The following ASAP1 variants were observed in gnomAD, a reference collection of about 807,000 sequenced individuals.
The protein encoded by ASAP1 is ArfGAP with SH3 domain, ankyrin repeat and PH domain 1.
In ASAP1, 43 loss-of-function variants were observed where a neutral mutation model predicts 145.2. That is an observed-to-expected ratio of 0.30 (90% CI 0.23 to 0.38). The LOEUF (loss-of-function observed/expected upper bound fraction) is 0.38, where lower values mean the gene tolerates loss of function less well. Ranked by LOEUF, ASAP1 falls within the 10% of genes least tolerant of loss-of-function variation. The pLI, the probability that ASAP1 is intolerant of heterozygous loss-of-function variation, is 1.00. For synonymous variants in ASAP1, 546 were observed against 515.5 expected (o/e 1.06, Z -0.80); for missense variants, 1,018 against 1,355.3 (o/e 0.75, Z 3.91).
In ASAP1 at chr8:130,076,421, A is replaced by C; in HGVS notation, c.2643-15T>G. 1 of 1,593,220 alleles carries C rather than the reference A, an allele frequency of 6.3e-7. No homozygotes were observed. The highest frequency in any genetic ancestry group is 8.6e-7 in the Non-Finnish European group (1 of 1,166,174). On this transcript the variant is annotated splice_polypyrimidine_tract_variant and intron_variant, in intron 26 of 29. Coordinates refer to ENST00000518721, the MANE Select transcript of ASAP1 (RefSeq NM_018482.4). ...CAGAACTGGTGCTAATCAACAAATA[A>C]GAATCATTTAGGATCTAAAAGTGCT...
chr8:130,341,046 G>A, intron 3 of ASAP1: 1 of 388,404 alleles, frequency 2.6e-6, no homozygotes, highest in Non-Finnish European at 5.1e-6. Flanking sequence ...CATTAAATGT[G>A]ATACAGTAAC....
chr8:130,406,794 T>A (rs1035573837), intron 1 of ASAP1, among the ~76,000 whole-genome samples: 4 of 152,168 alleles, frequency 2.6e-5, no homozygotes, highest in African/African-American at 9.7e-5. Context: ...AGTTCTCTCA[T>A]CTTTAAAATT....
chr8:130,221,365 T>C (rs1817285334), intron 4 of ASAP1, among the ~76,000 whole-genome samples: 1 of 152,162 alleles, frequency 6.6e-6, no homozygotes, highest in Non-Finnish European at 1.5e-5. Flanking sequence ...TGTGAAAGTG[T>C]TTCCCCTACC....
intron 14 of ASAP1, among the ~76,000 whole-genome samples, chr8:130,136,335 C>T (rs1454124503): frequency 6.6e-6 from 1 of 152,176 alleles, no homozygotes; most frequent in African/African-American, 2.4e-5. Context: ...GAAAAGCAAA[C>T]TCTGAACCAT....
At chr8:130,222,660 G>A (rs1008979736) in intron 4 of ASAP1, among the ~76,000 whole-genome samples, 2 of 152,200 alleles carry the variant, frequency 1.3e-5, no homozygotes, top group African/African-American at 2.4e-5. Flanking sequence ...AAGACTTCCT[G>A]TCCTGTAATA....
At chr8:130,175,310 T>G (rs1338247708) in intron 9 of ASAP1, among the ~76,000 whole-genome samples, 1 of 152,200 alleles carries the variant, frequency 6.6e-6, no homozygotes, top group Non-Finnish European at 1.5e-5. Flanking sequence ...AGCCTTGATC[T>G]CCCAGGCTCA....
At chr8:130,191,250 T>TA (rs1354617368) in intron 5 of ASAP1, among the ~76,000 whole-genome samples, 1 of 152,158 alleles carries the variant, frequency 6.6e-6, no homozygotes, top group African/African-American at 2.4e-5. Flanking sequence ...GAAGAGTTTT[T>TA]ACCTACTTGT....
intron 24 of ASAP1, among the ~76,000 whole-genome samples, chr8:130,093,160 T>C (rs1376679366): frequency 2.6e-5 from 4 of 152,140 alleles, no homozygotes; most frequent in Non-Finnish European, 4.4e-5. Context: ...GCAGGAATGA[T>C]AGTAATATTC....
intron 23 of ASAP1, among the ~76,000 whole-genome samples, chr8:130,115,104 T>G (rs1334164188): frequency 4.6e-5 from 7 of 152,186 alleles, no homozygotes; most frequent in Admixed American, 4.6e-4. Flanking sequence ...GTCCTGGTGT[T>G]TGGTCAAATA....
At chr8:130,079,853 A>C in intron 26 of ASAP1, 49 bp downstream of exon 26, 2 of 1,556,272 alleles carry the variant, frequency 1.3e-6, no homozygotes, top group South Asian at 1.1e-5. Flanking sequence ...AATTCTGTCC[A>C]TTGCATCAAT....
chr8:130,057,800 C>T (rs965606754), intron 29 of ASAP1, among the ~76,000 whole-genome samples, 154 bp downstream of exon 29: 1 of 152,214 alleles, frequency 6.6e-6, no homozygotes. Flanking sequence ...AGAAAAGACA[C>T]CAAATGCAAT....
intron 3 of ASAP1, among the ~76,000 whole-genome samples, chr8:130,284,798 G>A (rs955527166): frequency 1.3e-5 from 2 of 150,258 alleles, no homozygotes; most frequent in African/African-American, 2.5e-5. Flanking sequence ...AAGAATACTG[G>A]ATCTCCTCAT....
At chr8:130,272,608 A>G (rs1387216466) in intron 3 of ASAP1, among the ~76,000 whole-genome samples, 1 of 152,214 alleles carries the variant, frequency 6.6e-6, no homozygotes, top group Admixed American at 6.5e-5. Context: ...CTATGTGTCC[A>G]TCAACAGATA....
At chr8:130,213,078 CT>C in intron 5 of ASAP1, among the ~76,000 whole-genome samples, 1 of 152,308 alleles carries the variant, frequency 6.6e-6, no homozygotes, top group Admixed American at 6.5e-5. Context: ...GCAGGCAATG[CT>C]CAGAGTGAAG....
chr8:130,191,757 C>T (rs1815155371), intron 5 of ASAP1, among the ~76,000 whole-genome samples: 2 of 152,238 alleles, frequency 1.3e-5, no homozygotes, highest in South Asian at 4.1e-4. Flanking sequence ...AAAGTGCTAG[C>T]TTACTCCCTG....
intron 3 of ASAP1, among the ~76,000 whole-genome samples, chr8:130,249,500 ATCT>A (rs2136834172): frequency 6.6e-6 from 1 of 152,144 alleles, no homozygotes; most frequent in East Asian, 1.9e-4. Flanking sequence ...TTTCTCCATC[ATCT>A]TCTTAACAAT....
At chr8:130,149,145 G>A (rs1458778941) in intron 13 of ASAP1, among the ~76,000 whole-genome samples, 9 of 149,694 alleles carry the variant, frequency 6.0e-5, no homozygotes, top group South Asian at 2.1e-4. Context: ...ATGAGCCACC[G>A]CGCCTGGCCT....
intron 2 of ASAP1, 36 bp downstream of exon 2, chr8:130,401,849 G>T: frequency 1.3e-6 from 2 of 1,594,246 alleles, no homozygotes; most frequent in Non-Finnish European, 1.7e-6. Context: ...CTCCCACGCC[G>T]AGTTTTCTGG....
chr8:130,415,219 C>G (rs1339267355), intron 1 of ASAP1, among the ~76,000 whole-genome samples: 1 of 151,384 alleles, frequency 6.6e-6, no homozygotes, highest in African/African-American at 2.5e-5. Context: ...TTTTAAACTA[C>G]AGGGTAATTC....
Sources: allele counts gnomAD v4.1 joint callset (sites outside exome capture counted in the v4.1 genomes callset), GRCh38; gene constraint gnomAD v4.1.1; transcripts MANE v1.5; gene names NCBI Gene and HGNC (gene_info 2026-07-23, HGNC 2026-07-21).